Variants in LRBA observed in about 807,000 individuals in gnomAD.
LRBA encodes lipopolysaccharide-responsive and beige-like anchor protein.
A neutral mutation model predicts 330.0 loss-of-function variants in LRBA; 176 were observed. The observed-to-expected ratio is 0.53, with a 90% CI of 0.47 to 0.60. The LOEUF is 0.60. LRBA is among the 20% of genes least tolerant of loss of function. The probability of loss-of-function intolerance (pLI) is 0.00; values close to 1 mark genes in which losing one functional copy is unlikely to be tolerated. For missense variants in LRBA, 3,259 were observed against 3,444.8 expected (o/e 0.95, Z 1.35); for synonymous variants, 1,230 against 1,193.0 (o/e 1.03, Z -0.64).
intron 36 of LRBA, among the ~76,000 whole-genome samples, chr4:150,712,444 G>T (rs182492802): frequency 8.3e-4 from 127 of 152,196 alleles, no homozygotes; most frequent in African/African-American, 2.8e-3. Context: ...AAAATAATGT[G>T]CTCACAATTG....
intron 2 of LRBA, among the ~76,000 whole-genome samples, chr4:151,010,995 G>C (rs371023563): frequency 1.3e-5 from 2 of 151,982 alleles, no homozygotes; most frequent in Admixed American, 6.6e-5. Flanking sequence ...AGACCATCCT[G>C]GCTGACACGG....
At chr4:150,807,628 TTTGTTGTTG>T (rs57037174) in intron 32 of LRBA, among the ~76,000 whole-genome samples, 94 of 149,594 alleles carry the variant, frequency 6.3e-4, no homozygotes, top group African/African-American at 1.8e-3. Context: ...ATATCAGCAT[TTTGTTGTTG>T]TTGTTGTTGT....
At chr4:150,922,002 C>T (rs546958502) in intron 4 of LRBA, among the ~76,000 whole-genome samples, 8 of 152,178 alleles carry the variant, frequency 5.3e-5, no homozygotes, top group African/African-American at 1.7e-4. Flanking sequence ...GGATTACAGG[C>T]GTAAGCCACT....
In LRBA at chr4:150,868,276, G is replaced by C. The variant is rs779575307; in HGVS notation, c.2479C>G (p.Arg827Gly). 10 of 1,611,542 alleles carry C rather than the reference G, an allele frequency of 6.2e-6. No homozygotes were observed. The highest frequency in any genetic ancestry group is 1.7e-4 in the Middle Eastern group (1 of 6,058). The change falls in exon 21 of 57, where the codon CGA becomes GGA. Residue 827 changes from arginine (R) to glycine (G), a missense_variant. Arg to Gly is a moderately radical substitution (Grantham distance 125). Transcript: ENST00000651943. The part of the protein sequence containing the change: ...QILKVIATLL[R>G]NSPQCPESME... Reference sequence around the variant, plus strand: ...CTCTCTGGGCACTGGGGAGAATTTCGAAGTAGGGTCGCAATTACTTTTAGT... The same window carrying C: ...CTCTCTGGGCACTGGGGAGAATTTCCAAGTAGGGTCGCAATTACTTTTAGT...
intron 40 of LRBA, among the ~76,000 whole-genome samples, chr4:150,569,068 G>C (rs1297250992): frequency 6.6e-6 from 1 of 152,122 alleles, no homozygotes; most frequent in Non-Finnish European, 1.5e-5. Context: ...CTGTAAAAAT[G>C]TAAGAGTTAA....
chr4:150,693,346 G>A (rs979884231), intron 36 of LRBA, among the ~76,000 whole-genome samples: 3 of 151,906 alleles, frequency 2.0e-5, no homozygotes, highest in East Asian at 1.9e-4. Flanking sequence ...GGCGGATCAC[G>A]AGGTCAGGAG....
chr4:150,597,955 G>C (rs1773689926), intron 38 of LRBA, among the ~76,000 whole-genome samples: 1 of 152,068 alleles, frequency 6.6e-6, no homozygotes, highest in Admixed American at 6.6e-5. Flanking sequence ...TGTTATATCT[G>C]ATGACATATT....
intron 36 of LRBA, among the ~76,000 whole-genome samples, chr4:150,699,271 T>C (rs2126988387): frequency 6.6e-6 from 1 of 152,220 alleles, no homozygotes; most frequent in Middle Eastern, 3.4e-3. Flanking sequence ...AAACTGCCTG[T>C]TCAAGAGTGT....
chr4:150,723,477 C>T (rs1678986260), intron 36 of LRBA, among the ~76,000 whole-genome samples: 2 of 152,058 alleles, frequency 1.3e-5, no homozygotes, highest in Non-Finnish European at 1.5e-5. Flanking sequence ...GAACCCAGTG[C>T]CTTGAAGGTA....
rs964112625 is a variant in LRBA at position 150,776,805 on chromosome 4, G to A, written c.5581-14958C>T. ...AGCCTGGATGACAAAGTGAGACTCC[G>A]TGTCAAAAAAATAAAAATAAAAATA... On this transcript the variant is annotated intron_variant, in intron 34 of 56. Coordinates refer to ENST00000651943, the MANE Select transcript of LRBA (RefSeq NM_001364905.1). Among the ~76,000 whole-genome samples the A allele has an allele frequency of 4.0e-4, 61 of 151,820 alleles. 1 individual carries two copies. Among genetic ancestry groups the A allele is most frequent in the Admixed American group, 1.1e-3 (16 of 15,236 alleles).
At chr4:150,896,239 T>G (rs1241542764) in intron 16 of LRBA, among the ~76,000 whole-genome samples, 155 bp downstream of exon 16, 1 of 152,176 alleles carries the variant, frequency 6.6e-6, no homozygotes, top group Non-Finnish European at 1.5e-5. Context: ...AAAGGATATT[T>G]AAATAAAGAT....
At chr4:150,319,550 A>G (rs1158471922) in intron 50 of LRBA, among the ~76,000 whole-genome samples, 1 of 152,220 alleles carries the variant, frequency 6.6e-6, no homozygotes, top group African/African-American at 2.4e-5. Context: ...TGTTATTTTC[A>G]TAAATATTTA....
chr4:150,708,806 C>A (rs973332448), intron 36 of LRBA, among the ~76,000 whole-genome samples: 1 of 151,684 alleles, frequency 6.6e-6, no homozygotes, highest in African/African-American at 2.4e-5. Context: ...ATAATAGAGA[C>A]AAAAATTCTA....
chr4:150,662,716 C>T (rs1781230284), intron 37 of LRBA, among the ~76,000 whole-genome samples: 1 of 152,140 alleles, frequency 6.6e-6, no homozygotes, highest in Non-Finnish European at 1.5e-5. Context: ...GCCTGTAATC[C>T]CAGCATTTAG....
At chr4:150,335,510 C>CAT (rs1423663324) in intron 48 of LRBA, among the ~76,000 whole-genome samples, 102 of 145,578 alleles carry the variant, frequency 7.0e-4, no homozygotes, top group Non-Finnish European at 1.2e-3. Context: ...TATACACACA[C>CAT]ATATACGTAT....
chr4:150,312,952 A>G lies in LRBA; in HGVS notation c.7694-2568T>C, dbSNP rs149491259. Among the ~76,000 whole-genome samples, 97 of 151,972 alleles carry G rather than the reference A, an allele frequency of 6.4e-4. 1 individual carries two copies. Among genetic ancestry groups the G allele is most frequent in the African/African-American group, 2.2e-3 (92 of 41,538 alleles). On this transcript the variant is annotated intron_variant, in intron 51 of 56. Coordinates refer to ENST00000651943, the MANE Select transcript of LRBA (RefSeq NM_001364905.1). ...TTTAATAAATGTTCATTTTATGTAA[A>G]TAAACATTTATTAAACTTTATAATA...
chr4:150,950,708 A>G (rs931316046), intron 2 of LRBA, among the ~76,000 whole-genome samples: 2 of 152,190 alleles, frequency 1.3e-5, no homozygotes, highest in Non-Finnish European at 2.9e-5. Context: ...CAAAATGTTC[A>G]CTGTAATAGA....
At chr4:150,906,182 G>T (rs1731317591) in intron 12 of LRBA, 115 bp downstream of exon 12, 1 of 826,468 alleles carries the variant, frequency 1.2e-6, no homozygotes, top group Non-Finnish European at 2.0e-6. Flanking sequence ...TTTAGTTTAG[G>T]TAATTTTCTG....
chr4:150,296,906 G>A (rs1193030029), intron 53 of LRBA, among the ~76,000 whole-genome samples: 1 of 92,242 alleles, frequency 1.1e-5, no homozygotes, highest in Non-Finnish European at 2.1e-5. Flanking sequence ...CCACCCCCCC[G>A]CGCCCACCCC....
Sources: gnomAD v4.1 joint callset for allele counts (sites outside exome capture counted in the v4.1 genomes callset) on GRCh38, gnomAD v4.1.1 for gene constraint, MANE v1.5 for transcripts, NCBI Gene and HGNC (gene_info 2026-07-23, HGNC 2026-07-21) for gene names.